The following VPS8 variants were observed in gnomAD, a reference collection of about 807,000 sequenced individuals.
The protein encoded by VPS8 is vacuolar protein sorting-associated protein 8 homolog.
VPS8 carries 129 observed loss-of-function variants against 216.4 expected under a neutral mutation model. That is an observed-to-expected ratio of 0.60 (90% CI 0.52 to 0.69). VPS8 has a LOEUF of 0.69. VPS8 is among the 30% of genes least tolerant of loss of function. VPS8 has a pLI of 0.00. For synonymous variants in VPS8, 571 were observed against 565.4 expected (o/e 1.01, Z -0.14); for missense variants, 1,531 against 1,683.5 (o/e 0.91, Z 1.59).
At chr3:185,018,875 G>A (rs977258203) in intron 45 of VPS8, among the ~76,000 whole-genome samples, 1 of 152,122 alleles carries the variant, frequency 6.6e-6, no homozygotes, top group Non-Finnish European at 1.5e-5. Context: ...GGCGCTGCTC[G>A]AACAGTCACT....
At chr3:184,936,395 G>A (rs956577143) in intron 35 of VPS8, 60 bp downstream of exon 35, 12 of 1,410,398 alleles carry the variant, frequency 8.5e-6, no homozygotes, top group Admixed American at 6.0e-5. Context: ...TTATTAAATC[G>A]TCACCTAAGA....
In VPS8 at chr3:184,849,179, G is replaced by A; in HGVS notation, c.650G>A (p.Gly217Asp). ...AATGATTGCTCAAGACTTCTTTGTG[G>A]CTTTGCTAAAGGACAGGTAAGATAT... The part of the protein sequence containing the change: ...INNDCSRLLC[G>D]FAKGQITMWD... Residue 217 changes from glycine to aspartate, a missense_variant, in exon 9 of 48, where the codon GGC becomes GAC. Physicochemically the swap from Gly to Asp is moderately conservative, Grantham distance 94. Transcript: ENST00000625842. 1 of 1,613,284 alleles carries A rather than the reference G, an allele frequency of 6.2e-7. No individual in the cohort carries two copies. Among genetic ancestry groups the A allele is most frequent in the African/African-American group, 1.3e-5 (1 of 75,000 alleles).
chr3:184,858,609 G>A (rs143572942), intron 14 of VPS8, among the ~76,000 whole-genome samples: 13 of 152,320 alleles, frequency 8.5e-5, no homozygotes, highest in Admixed American at 6.5e-4. Context: ...TGTGTGATGA[G>A]AGCAATGAGC....
At chr3:184,915,511 A>G in intron 28 of VPS8, 37 bp downstream of exon 28, 1 of 1,598,150 alleles carries the variant, frequency 6.3e-7, no homozygotes, top group Non-Finnish European at 8.5e-7. Context: ...TTTTCAAAGA[A>G]GACAGAGCAA....
intron 20 of VPS8, among the ~76,000 whole-genome samples, chr3:184,870,133 T>C (rs1728079027): frequency 6.6e-6 from 1 of 152,168 alleles, no homozygotes; most frequent in Non-Finnish European, 1.5e-5. Context: ...TGAGAACTAG[T>C]GTATGTGCAA....
At chr3:184,817,468 C>T (rs183275086) in intron 1 of VPS8, 3 of 152,132 alleles carry the variant, frequency 2.0e-5, no homozygotes, top group Admixed American at 6.5e-5. Context: ...AAGAGGAGAA[C>T]GATGTTATGG....
At chr3:184,952,245 T>G (rs1317281806) in intron 36 of VPS8, among the ~76,000 whole-genome samples, 1 of 152,096 alleles carries the variant, frequency 6.6e-6, no homozygotes, top group Non-Finnish European at 1.5e-5. Context: ...AGACACAACC[T>G]TGATTCCTCT....
chr3:184,949,231 C>T (rs2132239), intron 36 of VPS8, among the ~76,000 whole-genome samples: 4,550 of 151,926 alleles, frequency 0.03, 84 homozygotes, highest in Non-Finnish European at 0.045. Context: ...GGGGAGGTCG[C>T]GGCTGCAGTG....
At chr3:184,992,853 C>T (rs1302157332) in intron 42 of VPS8, among the ~76,000 whole-genome samples, 2 of 151,970 alleles carry the variant, frequency 1.3e-5, no homozygotes, top group African/African-American at 4.8e-5. Context: ...ATAGGTAGAG[C>T]AATTTGGCAG....
intron 31 of VPS8, among the ~76,000 whole-genome samples, chr3:184,927,109 C>T (rs1739799122): frequency 6.6e-6 from 1 of 152,152 alleles, no homozygotes; most frequent in South Asian, 2.1e-4. Flanking sequence ...CCTGTCCCTC[C>T]GCTAATTATC....
intron 5 of VPS8, among the ~76,000 whole-genome samples, chr3:184,835,568 G>C (rs1195803026): frequency 2.6e-5 from 4 of 152,058 alleles, no homozygotes; most frequent in Non-Finnish European, 5.9e-5. Context: ...GGTTTTCTGA[G>C]TACAATGTAC....
chr3:184,999,063 G>GTT (rs112921901), intron 44 of VPS8, among the ~76,000 whole-genome samples: 2 of 143,238 alleles, frequency 1.4e-5, no homozygotes, highest in African/African-American at 2.6e-5. Context: ...TTGGTTTTTG[G>GTT]TTTTTTTTTT....
intron 36 of VPS8, among the ~76,000 whole-genome samples, chr3:184,943,312 A>G (rs565068922): frequency 1.3e-5 from 2 of 152,346 alleles, no homozygotes; most frequent in East Asian, 1.9e-4. Context: ...TTCCTAATAC[A>G]GTTGACCTCA....
intron 30 of VPS8, among the ~76,000 whole-genome samples, 173 bp from the exon 31 acceptor site, chr3:184,926,421 C>T (rs1739660049): frequency 6.7e-6 from 1 of 149,536 alleles, no homozygotes; most frequent in African/African-American, 2.6e-5. Context: ...ACACCTGCAC[C>T]TGATGTTACA....
At chr3:184,914,658 T>C (rs1737193005) in intron 26 of VPS8, among the ~76,000 whole-genome samples, 1 of 152,242 alleles carries the variant, frequency 6.6e-6, no homozygotes, top group Non-Finnish European at 1.5e-5. Context: ...ACCATCTTTC[T>C]AGACGCTGGG....
intron 28 of VPS8, among the ~76,000 whole-genome samples, chr3:184,919,380 T>G (rs1017380082): frequency 6.6e-6 from 1 of 152,224 alleles, no homozygotes; most frequent in African/African-American, 2.4e-5. Flanking sequence ...TCATTCTTAT[T>G]GTTCAGTAAA....
chr3:184,976,199 A>C (rs896596474), intron 40 of VPS8, among the ~76,000 whole-genome samples: 4 of 152,114 alleles, frequency 2.6e-5, no homozygotes, highest in African/African-American at 9.7e-5. Context: ...TCACATACCT[A>C]CTAATTTTAA....
chr3:184,838,788 A>G (rs373359051), intron 6 of VPS8, 42 bp downstream of exon 6: 1 of 1,462,994 alleles, frequency 6.8e-7, no homozygotes, highest in African/African-American at 1.4e-5. Flanking sequence ...TTTCTATTTG[A>G]TTGGGTTTTC....
chr3:185,043,134 C>T (rs1360833449), intron 46 of VPS8, among the ~76,000 whole-genome samples: 1 of 152,124 alleles, frequency 6.6e-6, no homozygotes, highest in Non-Finnish European at 1.5e-5. Flanking sequence ...CGCGAGCAGC[C>T]CATGAAACCG....
Sources: gnomAD v4.1 joint callset for allele counts (sites outside exome capture counted in the v4.1 genomes callset) on GRCh38, gnomAD v4.1.1 for gene constraint, MANE v1.5 for transcripts, NCBI Gene and HGNC (gene_info 2026-07-23, HGNC 2026-07-21) for gene names.